The following NRG3 variants were observed in gnomAD, a reference collection of about 807,000 sequenced individuals.
NRG3 encodes the protein pro-neuregulin-3, membrane-bound isoform.
A neutral mutation model predicts 66.9 loss-of-function variants in NRG3; 31 were observed. That is an observed-to-expected ratio of 0.46 (90% CI 0.35 to 0.63). The LOEUF (loss-of-function observed/expected upper bound fraction) is 0.63, where lower values mean the gene tolerates loss of function less well. NRG3 is among the 20% of genes least tolerant of loss of function. The pLI is 0.00. For synonymous variants in NRG3, 393 were observed against 359.4 expected (o/e 1.09, Z -1.06); for missense variants, 910 against 878.9 (o/e 1.04, Z -0.45).
At chr10:82,547,109 A>G (rs1408247496) in intron 2 of NRG3, among the ~76,000 whole-genome samples, 2 of 152,120 alleles carry the variant, frequency 1.3e-5, no homozygotes, top group Non-Finnish European at 2.9e-5. Flanking sequence ...CATGAGCCAT[A>G]TTTTATTCAT....
chr10:82,010,256 A>C (rs533386739), intron 1 of NRG3, among the ~76,000 whole-genome samples: 1 of 152,310 alleles, frequency 6.6e-6, no homozygotes, highest in African/African-American at 2.4e-5. Context: ...GGTCATAAAC[A>C]AGTGTGTCCA....
intron 1 of NRG3, among the ~76,000 whole-genome samples, chr10:82,150,497 C>T (rs1260049776): frequency 9.3e-6 from 1 of 107,966 alleles, no homozygotes; most frequent in Non-Finnish European, 1.8e-5. Flanking sequence ...ATTTTCAAAA[C>T]CTTGCTGATT....
intron 4 of NRG3, among the ~76,000 whole-genome samples, chr10:82,883,470 A>G (rs901899949): frequency 6.6e-6 from 1 of 152,126 alleles, no homozygotes; most frequent in African/African-American, 2.4e-5. Context: ...GAATTTGGGT[A>G]CATTAATTTT....
intron 1 of NRG3, among the ~76,000 whole-genome samples, chr10:81,959,441 C>T (rs565021809): frequency 1.9e-4 from 29 of 152,142 alleles, no homozygotes; most frequent in African/African-American, 6.5e-4. Flanking sequence ...TATATGTGTG[C>T]TCATATATGA....
At chr10:82,650,222 T>C (rs1336035893) in intron 2 of NRG3, among the ~76,000 whole-genome samples, 3 of 152,198 alleles carry the variant, frequency 2.0e-5, no homozygotes, top group African/African-American at 7.2e-5. Context: ...GGCCATGTAG[T>C]ATATTTCCCA....
intron 3 of NRG3, among the ~76,000 whole-genome samples, chr10:82,795,335 A>T (rs1010369377): frequency 1.3e-5 from 2 of 152,212 alleles, no homozygotes; most frequent in Non-Finnish European, 2.9e-5. Flanking sequence ...GTTTTTGTGT[A>T]TGTGTGCACA....
chr10:82,883,617 G>A (rs991314537), intron 4 of NRG3, among the ~76,000 whole-genome samples: 1 of 152,048 alleles, frequency 6.6e-6, no homozygotes, highest in African/African-American at 2.4e-5. Context: ...TCACCTCATA[G>A]TCTCTCTAGT....
In NRG3 at chr10:82,150,588, A is replaced by G. The variant is rs569322815; in HGVS notation, c.824-208151A>G. Among the ~76,000 whole-genome samples the G allele has an allele frequency of 1.3e-3, 192 of 152,030 alleles. 1 individual carries two copies. Among genetic ancestry groups the G allele is most frequent in the Middle Eastern group, 6.8e-3 (2 of 292 alleles). ...CAAAGCAAAAAACTCTCAGTCTAAA[A>G]CAGATAAACAAACCAACAAACAAAG... On this transcript the variant is annotated intron_variant, in intron 1 of 8. Transcript: ENST00000372141.
At chr10:82,951,606 T>A (rs1230820624) in intron 5 of NRG3, 35 bp downstream of exon 5, 1 of 1,567,860 alleles carries the variant, frequency 6.4e-7, no homozygotes, top group Non-Finnish European at 8.8e-7. Flanking sequence ...TAAAGGTTAC[T>A]TTTAGAGAAA....
At chr10:82,088,962 G>A (rs1312535097) in intron 1 of NRG3, among the ~76,000 whole-genome samples, 2 of 151,872 alleles carry the variant, frequency 1.3e-5, no homozygotes, top group East Asian at 3.9e-4. Flanking sequence ...CCTCCCTAGT[G>A]GGTGCTCAAC....
At chr10:82,192,706 T>A (rs1194110645) in intron 1 of NRG3, among the ~76,000 whole-genome samples, 1 of 152,138 alleles carries the variant, frequency 6.6e-6, no homozygotes. Flanking sequence ...CACTGATTAT[T>A]TACCTGCAGG....
chr10:82,239,249 T>C (rs1377495918), intron 1 of NRG3, among the ~76,000 whole-genome samples: 1 of 152,150 alleles, frequency 6.6e-6, no homozygotes, highest in Non-Finnish European at 1.5e-5. Flanking sequence ...CACATACATA[T>C]ATATTTTTTG....
At chr10:82,383,219 C>A (rs1026180753) in intron 2 of NRG3, among the ~76,000 whole-genome samples, 7 of 151,760 alleles carry the variant, frequency 4.6e-5, no homozygotes, top group Admixed American at 3.3e-4. Context: ...TAACATTTTT[C>A]TTTTCTATAA....
intron 1 of NRG3, among the ~76,000 whole-genome samples, chr10:82,049,054 G>A (rs1055185339): frequency 6.6e-6 from 1 of 152,118 alleles, no homozygotes; most frequent in African/African-American, 2.4e-5. Flanking sequence ...CCAGGAAGAA[G>A]TTGAATCTCT....
intron 3 of NRG3, among the ~76,000 whole-genome samples, chr10:82,849,106 A>G (rs1485354792): frequency 1.3e-5 from 2 of 152,202 alleles, no homozygotes; most frequent in African/African-American, 4.8e-5. Flanking sequence ...GGTCTTTAGC[A>G]TGGGCGCTAA....
At chr10:81,980,982 GTCACAT>G (rs57358335) in intron 1 of NRG3, among the ~76,000 whole-genome samples, 17,293 of 152,084 alleles carry the variant, frequency 0.11, 1,180 homozygotes, top group East Asian at 0.33. Context: ...TCTAAATACA[GTCACAT>G]TCTGAGTTAT....
rs539175992 is a variant in NRG3, at chr10:82,125,841, C to G, written c.824-232898C>G. Among the ~76,000 whole-genome samples, 236 of 152,102 alleles carry G rather than the reference C, an allele frequency of 1.6e-3. 1 individual carries two copies. The highest frequency in any genetic ancestry group is 5.2e-3 in the African/African-American group (216 of 41,528). On this transcript the variant is annotated intron_variant, in intron 1 of 8. Transcript: ENST00000372141. ...TTCTTTATCTTCAATGTTGCTAATT[C>G]AAGTCAAGGCACCGTCAGGTCTCCC...
chr10:82,123,994 G>A (rs1243253521), intron 1 of NRG3, among the ~76,000 whole-genome samples: 1 of 151,954 alleles, frequency 6.6e-6, no homozygotes, highest in Non-Finnish European at 1.5e-5. Context: ...ATACTAATTA[G>A]ATGTCAAGAA....
intron 3 of NRG3, among the ~76,000 whole-genome samples, chr10:82,747,978 A>T (rs1392138835): frequency 6.6e-6 from 1 of 151,566 alleles, no homozygotes; most frequent in East Asian, 1.9e-4. Flanking sequence ...TAATATGTTT[A>T]AAAACACATT....
Sources: allele counts gnomAD v4.1 joint callset (sites outside exome capture counted in the v4.1 genomes callset), GRCh38; gene constraint gnomAD v4.1.1; transcripts MANE v1.5; gene names NCBI Gene and HGNC (gene_info 2026-07-23, HGNC 2026-07-21).